SORCS3: variants seen among roughly 807,000 people sequenced by gnomAD.
SORCS3 encodes sortilin related VPS10 domain containing receptor 3.
SORCS3 carries 57 observed loss-of-function variants against 146.3 expected under a neutral mutation model. The observed-to-expected ratio is 0.39, with a 90% confidence interval of 0.31 to 0.49. The LOEUF (loss-of-function observed/expected upper bound fraction) is 0.49, where lower values mean the gene tolerates loss of function less well. Among genes scored for constraint, SORCS3 ranks in the 20% least tolerant of loss-of-function variants. The pLI is 0.92. For missense variants in SORCS3, 1,341 were observed against 1,575.5 expected (o/e 0.85, Z 2.52); for synonymous variants, 653 against 618.5 (o/e 1.06, Z -0.83).
chr10:105,091,865 A>T (rs1350134315), intron 6 of SORCS3, among the ~76,000 whole-genome samples: 2 of 152,134 alleles, frequency 1.3e-5, no homozygotes, highest in African/African-American at 2.4e-5. Context: ...TCAGAAAATG[A>T]CCCACAGGCC....
At chr10:105,020,109 C>G (rs1216958505) in intron 4 of SORCS3, among the ~76,000 whole-genome samples, 1 of 152,120 alleles carries the variant, frequency 6.6e-6, no homozygotes, top group African/African-American at 2.4e-5. Context: ...AGTTTTCACT[C>G]TCTAGGAAAT....
intron 2 of SORCS3, among the ~76,000 whole-genome samples, chr10:104,876,969 G>T (rs1335803981): frequency 1.3e-5 from 2 of 152,132 alleles, no homozygotes; most frequent in African/African-American, 4.8e-5. Context: ...CTCCTAAGTA[G>T]CTGGGACCAC....
intron 1 of SORCS3, among the ~76,000 whole-genome samples, chr10:104,666,665 A>T (rs559096684): frequency 6.6e-6 from 1 of 152,202 alleles, no homozygotes; most frequent in East Asian, 1.9e-4. Flanking sequence ...GAGTGCAGTG[A>T]TGTGATCATA....
intron 16 of SORCS3, among the ~76,000 whole-genome samples, chr10:105,209,544 C>A (rs1421433766): frequency 6.6e-6 from 1 of 152,068 alleles, no homozygotes; most frequent in Non-Finnish European, 1.5e-5. Flanking sequence ...CAAAAACAAA[C>A]AAACAAACAA....
intron 1 of SORCS3, among the ~76,000 whole-genome samples, chr10:104,776,943 G>T (rs891604575): frequency 6.7e-6 from 1 of 149,936 alleles, no homozygotes; most frequent in African/African-American, 2.5e-5. Context: ...AGGCAGACAG[G>T]CAGAGAGAAC....
chr10:104,793,769 A>G (rs2017520244), intron 1 of SORCS3, among the ~76,000 whole-genome samples: 1 of 152,204 alleles, frequency 6.6e-6, no homozygotes, highest in African/African-American at 2.4e-5. Flanking sequence ...ATTGAAGTAT[A>G]CCTGTAGTTC....
chr10:104,932,536 G>A (rs897521465), intron 3 of SORCS3, among the ~76,000 whole-genome samples: 1 of 152,196 alleles, frequency 6.6e-6, no homozygotes, highest in Admixed American at 6.5e-5. Context: ...GAAACTTTCA[G>A]CAGCTTCCAG....
chr10:104,702,351 T>C (rs2016289871), intron 1 of SORCS3, among the ~76,000 whole-genome samples: 1 of 152,206 alleles, frequency 6.6e-6, no homozygotes, highest in Admixed American at 6.5e-5. Flanking sequence ...TGGCACGATT[T>C]CAGCTCACTG....
At chr10:104,949,119 A>G (rs1191590278) in intron 3 of SORCS3, among the ~76,000 whole-genome samples, 1 of 152,170 alleles carries the variant, frequency 6.6e-6, no homozygotes, top group Non-Finnish European at 1.5e-5. Flanking sequence ...TCATGCTTAA[A>G]AAAATCAATA....
intron 1 of SORCS3, among the ~76,000 whole-genome samples, chr10:104,818,382 T>G (rs1473886773): frequency 6.0e-5 from 9 of 151,124 alleles, no homozygotes; most frequent in Non-Finnish European, 1.0e-4. Flanking sequence ...CCTTCCTTCC[T>G]TCCTTCCTTC....
chr10:104,916,785 C>T (rs890295518), intron 3 of SORCS3, among the ~76,000 whole-genome samples: 3 of 152,118 alleles, frequency 2.0e-5, no homozygotes, highest in South Asian at 2.1e-4. Context: ...ATGGCACCAC[C>T]AAGCTCTCCT....
intron 4 of SORCS3, among the ~76,000 whole-genome samples, chr10:105,012,068 T>C (rs2133681732): frequency 6.6e-6 from 1 of 152,232 alleles, no homozygotes; most frequent in East Asian, 1.9e-4. Context: ...AGAGCATAAG[T>C]TTCAGAGCAT....
intron 2 of SORCS3, among the ~76,000 whole-genome samples, chr10:104,854,462 G>A (rs1218045618): frequency 2.0e-5 from 3 of 152,116 alleles, no homozygotes; most frequent in Non-Finnish European, 4.4e-5. Flanking sequence ...GAGATATTGT[G>A]TATACTTTAC....
At chr10:104,924,879 C>T (rs561848176) in intron 3 of SORCS3, among the ~76,000 whole-genome samples, 34 of 152,244 alleles carry the variant, frequency 2.2e-4, no homozygotes, top group African/African-American at 7.5e-4. Context: ...AGCTCCCATG[C>T]CTGGCCAGCA....
intron 19 of SORCS3, among the ~76,000 whole-genome samples, chr10:105,219,028 T>C (rs1232448060): frequency 3.3e-5 from 5 of 151,858 alleles, no homozygotes; most frequent in Non-Finnish European, 5.9e-5. Flanking sequence ...AAAAAATATA[T>C]ATATATCTTA....
chr10:105,224,913 G>A (rs1027205593), intron 20 of SORCS3, among the ~76,000 whole-genome samples: 2 of 151,914 alleles, frequency 1.3e-5, no homozygotes, highest in African/African-American at 4.8e-5. Context: ...TAAGGTCTGT[G>A]GCCTATTTTT....
intron 1 of SORCS3, among the ~76,000 whole-genome samples, chr10:104,737,206 C>T (rs2016784478): frequency 6.6e-6 from 1 of 152,150 alleles, no homozygotes; most frequent in Non-Finnish European, 1.5e-5. Context: ...GGTTCCAAGT[C>T]TTTGCTATTG....
intron 1 of SORCS3, among the ~76,000 whole-genome samples, chr10:104,831,890 C>G (rs2018004836): frequency 6.6e-6 from 1 of 152,188 alleles, no homozygotes; most frequent in African/African-American, 2.4e-5. Flanking sequence ...TGCATTCTCA[C>G]TCATCTCTGT....
Position 104,671,325 on chromosome 10 carries a change from C to CTTTTTTTTT in SORCS3, c.627+29390_627+29398dup, listed in dbSNP as rs771029154. ...ATGTTAAGGTAGTTTCATTCTTTTCCTTTTTTTTTTTTTTTTTTTTTTTTT... is the reference window on the plus strand; with the variant it reads ...ATGTTAAGGTAGTTTCATTCTTTTCCTTTTTTTTTTTTTTTTTTTTTTTTTTTTTTTTTT... On this transcript the variant is annotated intron_variant, in intron 1 of 26. Transcript: ENST00000369701. Among the ~76,000 whole-genome samples the CTTTTTTTTT allele has an allele frequency of 3.4e-3, 66 of 19,200 alleles. 26 individuals are homozygous for CTTTTTTTTT. Among genetic ancestry groups the CTTTTTTTTT allele is most frequent in the African/African-American group, 6.6e-3 (35 of 5,278 alleles). 12.6% of individuals were successfully genotyped at this position (19,200 alleles called of 152,430 possible). A position where few individuals can be genotyped will look rare whatever the true frequency, so the allele number is the denominator to read the frequency against.
Sources: allele counts gnomAD v4.1 joint callset (sites outside exome capture counted in the v4.1 genomes callset), GRCh38; gene constraint gnomAD v4.1.1; transcripts MANE v1.5; gene names NCBI Gene and HGNC (gene_info 2026-07-23, HGNC 2026-07-21).